Variants in ZNF608 observed in about 807,000 individuals in gnomAD.
ZNF608 encodes zinc finger protein 608, also known as renal carcinoma antigen NY-REN-36.
A neutral mutation model predicts 109.0 loss-of-function variants in ZNF608; 12 were observed. The ratio of observed to expected loss-of-function variants is 0.11; its 90% CI spans 0.07 to 0.18. The LOEUF (loss-of-function observed/expected upper bound fraction) is 0.18. ZNF608 is among the 10% of genes least tolerant of loss of function. The probability of loss-of-function intolerance (pLI) is 1.00; values close to 1 mark genes in which losing one functional copy is unlikely to be tolerated. For synonymous variants in ZNF608, 732 were observed against 717.4 expected, an observed-to-expected ratio of 1.02 and a Z score of -0.33; for missense variants, 1,707 against 1,879.3, an observed-to-expected ratio of 0.91 and a Z score of 1.70.
intron 3 of ZNF608, among the ~76,000 whole-genome samples, chr5:124,657,256 G>A (rs1162122532): frequency 1.3e-5 from 2 of 152,132 alleles, no homozygotes; most frequent in Non-Finnish European, 2.9e-5. Flanking sequence ...GTTCACGTGG[G>A]AGGCTGCACC....
chr5:124,708,632 G>A, intron 2 of ZNF608: 1 of 440,128 alleles, frequency 2.3e-6, no homozygotes, highest in Non-Finnish European at 4.6e-6. Context: ...TTTTATTGTT[G>A]TTGTTTTAAA....
chr5:124,708,905 C>T (rs938269853), intron 2 of ZNF608: 8 of 402,778 alleles, frequency 2.0e-5, no homozygotes, highest in South Asian at 1.1e-4. Context: ...GGTGCAGTGG[C>T]TCACGCCTGT....
At chr5:124,679,716 TGTGCTTTGGTTAAGATAGCAGA>T (rs1752115339) in intron 3 of ZNF608, among the ~76,000 whole-genome samples, 1 of 152,200 alleles carries the variant, frequency 6.6e-6, no homozygotes, top group African/African-American at 2.4e-5. Flanking sequence ...GGTGACTGAA[TGTGCTTTGGTTAAGATAGCAGA>T]GTGCTTTGGA....
chr5:124,656,631 G>C (rs1305070913), intron 3 of ZNF608, among the ~76,000 whole-genome samples: 1 of 152,018 alleles, frequency 6.6e-6, no homozygotes, highest in Non-Finnish European at 1.5e-5. Context: ...AAAAGCAATG[G>C]AAAAATGCTG....
Position 124,730,697 on chromosome 5 carries a change from A to G in ZNF608, c.906+13387T>C, listed in dbSNP as rs904347459. 2.6e-5 allele frequency among the ~76,000 whole-genome samples: 4 copies of G among 152,154 alleles called. 1 individual carries two copies. Among genetic ancestry groups the G allele is most frequent in the Non-Finnish European group, 4.4e-5 (3 of 68,012 alleles). On this transcript the variant is annotated intron_variant, in intron 2 of 9. Transcript: ENST00000513986. ...TGGCATTTTTCCTTTCACATTTTAT[A>G]TGGGCAACAAAAAGGATCCACGTCT...
intron 2 of ZNF608, among the ~76,000 whole-genome samples, chr5:124,705,861 A>G (rs148526125): frequency 6.6e-6 from 1 of 152,134 alleles, no homozygotes; most frequent in African/African-American, 2.4e-5. Flanking sequence ...GCTTTTTCTC[A>G]TGCACTGCTG....
chr5:124,639,172 G>A lies in ZNF608; in HGVS notation c.4493C>T (p.Ala1498Val). The change falls in exon 9 of 10, where the codon GCC becomes GTC. Residue 1498 changes from alanine (A) to valine (V), a missense_variant. By Grantham distance (64) the Ala-to-Val change is moderately conservative (BLOSUM62 0). Coordinates refer to ENST00000513986, the MANE Select transcript of ZNF608 (RefSeq NM_020747.3). ...AALVASQQVA[A>V]QASASGMFPG... ...AAACATTCCAGATGCAGATGCCTGG[G>A]CAGCCACCTGCTGAGAGGCAACAAG... is the stretch of plus-strand genomic sequence containing the variant. 6.2e-7 allele frequency: 1 copy of A among 1,614,170 alleles called. No homozygotes were observed. The highest frequency in any genetic ancestry group is 2.2e-5 in the East Asian group (1 of 44,882).
At chr5:124,742,572 A>T (rs1397967025) in intron 2 of ZNF608, among the ~76,000 whole-genome samples, 1 of 152,240 alleles carries the variant, frequency 6.6e-6, no homozygotes, top group African/African-American at 2.4e-5. Context: ...GAAACTACAC[A>T]TTTAAATATA....
rs1303831774 is a variant in ZNF608, at chr5:124,701,127, A to T, written c.1049T>A (p.Val350Glu). ...VEQLLVRTRS[V>E]GVNTCEVGVV... ...TCCAACTTCACATGTATTGACACCC[A>T]CAGAACGAGTCCGAACCAAAAGCTG... Residue 350 changes from valine to glutamate, a missense_variant, in exon 3 of 10, where the codon GTG becomes GAG. Val to Glu is a moderately radical substitution (Grantham distance 121). Transcript: ENST00000513986. 3 of 1,614,060 alleles carry T rather than the reference A, an allele frequency of 1.9e-6. No individual in the cohort carries two copies. Among genetic ancestry groups the T allele is most frequent in the Non-Finnish European group, 2.5e-6 (3 of 1,180,020 alleles).
At chr5:124,692,035 T>G (rs1752648883) in intron 3 of ZNF608, among the ~76,000 whole-genome samples, 1 of 152,218 alleles carries the variant, frequency 6.6e-6, no homozygotes, top group Non-Finnish European at 1.5e-5. Context: ...ATGGCATGTA[T>G]TCCTTTTATA....
intron 2 of ZNF608, among the ~76,000 whole-genome samples, chr5:124,738,319 A>G (rs1423974535): frequency 6.6e-6 from 1 of 152,214 alleles, no homozygotes; most frequent in African/African-American, 2.4e-5. Context: ...AGGATAGCCC[A>G]GTATTTCCTT....
chr5:124,714,806 T>G (rs922906670), intron 2 of ZNF608, among the ~76,000 whole-genome samples: 2 of 152,242 alleles, frequency 1.3e-5, no homozygotes, highest in African/African-American at 4.8e-5. Flanking sequence ...ATTAAAAACA[T>G]ACTGCTGTAG....
intron 2 of ZNF608, among the ~76,000 whole-genome samples, chr5:124,729,727 G>C (rs1748802780): frequency 6.6e-6 from 1 of 151,692 alleles, no homozygotes; most frequent in Non-Finnish European, 1.5e-5. Context: ...CTTTTTTGTT[G>C]TTTACTTGTT....
chr5:124,720,675 T>A (rs1026066471), intron 2 of ZNF608, among the ~76,000 whole-genome samples: 4 of 152,288 alleles, frequency 2.6e-5, no homozygotes, highest in African/African-American at 9.6e-5. Context: ...ATTATGGCTA[T>A]GAATGACCTA....
chr5:124,650,484 C>T (rs1462192206), intron 3 of ZNF608, among the ~76,000 whole-genome samples: 1 of 152,218 alleles, frequency 6.6e-6, no homozygotes, highest in African/African-American at 2.4e-5. Context: ...CTAACACACT[C>T]GTTTCCTGCA....
Position 124,637,721 on chromosome 5 carries a change from CAG to C in ZNF608, c.*177_*178del, listed in dbSNP as rs1486308857. On this transcript the variant is annotated 3_prime_UTR_variant, in exon 10 of 10. Transcript: ENST00000513986. Reference sequence around the variant, plus strand: ...TATGTATACGTATATATATATAAAACAGAAGTTTAATTACAGCAACATTTGTT... The same window carrying C: ...TATGTATACGTATATATATATAAAACAAGTTTAATTACAGCAACATTTGTT... 2.3e-6 allele frequency: 1 copy of C among 435,164 alleles called. No homozygotes were observed. The highest frequency in any genetic ancestry group is 4.1e-6 in the Non-Finnish European group (1 of 243,322). The allele number at this position is 435,164 out of a possible 1,614,324, so 27.0% of individuals were successfully genotyped here.
chr5:124,686,659 A>G (rs1456180691), intron 3 of ZNF608, among the ~76,000 whole-genome samples: 1 of 152,246 alleles, frequency 6.6e-6, no homozygotes, highest in Non-Finnish European at 1.5e-5. Flanking sequence ...CAGCTTTTGC[A>G]GGTTCTCTTT....
At chr5:124,740,556 T>C (rs1749348286) in intron 2 of ZNF608, among the ~76,000 whole-genome samples, 1 of 144,842 alleles carries the variant, frequency 6.9e-6, no homozygotes, top group Admixed American at 6.9e-5. Flanking sequence ...TTAATCAAAA[T>C]ATGTTCTTAA....
upstream of ZNF608, among the ~76,000 whole-genome samples, chr5:124,747,776 A>T (rs2149913225): frequency 1.3e-5 from 2 of 152,094 alleles, no homozygotes; most frequent in Middle Eastern, 6.8e-3. Context: ...CACTTTATAA[A>T]CCTTTCCTCA....
Sources: allele counts gnomAD v4.1 joint callset (sites outside exome capture counted in the v4.1 genomes callset), GRCh38; gene constraint gnomAD v4.1.1; transcripts MANE v1.5; gene names NCBI Gene and HGNC (gene_info 2026-07-23, HGNC 2026-07-21).